Variants in SLAIN2 observed in about 807,000 individuals in gnomAD.
SLAIN2 encodes SLAIN family member 2.
A neutral mutation model predicts 56.6 loss-of-function variants in SLAIN2; 31 were observed. The observed-to-expected ratio is 0.55, with a 90% CI of 0.41 to 0.74. The LOEUF (loss-of-function observed/expected upper bound fraction) is 0.74, where lower values mean the gene tolerates loss of function less well. Ranked by LOEUF, SLAIN2 falls within the 30% of genes least tolerant of loss-of-function variation. The pLI is 0.00. For missense variants in SLAIN2, 777 were observed against 754.2 expected, an observed-to-expected ratio of 1.03 and a Z score of -0.35; for synonymous variants, 317 against 284.9, an observed-to-expected ratio of 1.11 and a Z score of -1.13.
chr4:48,375,495 C>CT (rs202110147), intron 2 of SLAIN2, among the ~76,000 whole-genome samples: 2,863 of 151,698 alleles, frequency 0.019, 88 homozygotes, highest in African/African-American at 0.065. Context: ...TCCTTTTTTT[C>CT]TTTTTTTTCC....
chr4:48,365,692 G>A (rs776303441), intron 1 of SLAIN2, among the ~76,000 whole-genome samples: 1 of 151,942 alleles, frequency 6.6e-6, no homozygotes, highest in African/African-American at 2.4e-5. Context: ...CTCCCGAGTA[G>A]CTGGGATTAC....
chr4:48,373,066 T>G (rs1225782671), intron 2 of SLAIN2, among the ~76,000 whole-genome samples: 1 of 152,158 alleles, frequency 6.6e-6, no homozygotes, highest in African/African-American at 2.4e-5. Context: ...TAACCCTCAT[T>G]TACCCTCCCT....
At chr4:48,351,568 A>T (rs776326849) in intron 1 of SLAIN2, among the ~76,000 whole-genome samples, 18 of 152,140 alleles carry the variant, frequency 1.2e-4, no homozygotes, top group Non-Finnish European at 2.1e-4. Flanking sequence ...CTGAATCTAG[A>T]GGTTTGGAAC....
In SLAIN2 at chr4:48,420,270, G is replaced by A; in HGVS notation, c.1506G>A (p.Gly502=). The A allele has an allele frequency of 6.2e-7, 1 of 1,613,866 alleles. No homozygotes were observed. The highest frequency in any genetic ancestry group is 2.2e-5 in the East Asian group (1 of 44,854). Reference sequence around the variant, plus strand: ...TCACACAAACCACCTCCTCACCTGGGCCTCCTATGGTTCAGAGCACAGTCT... The same window carrying A: ...TCACACAAACCACCTCCTCACCTGGACCTCCTATGGTTCAGAGCACAGTCT... ...TQLTQTTSSP[G]PPMVQSTVSA... The change falls in exon 7 of 8, where the codon GGG becomes GGA. Residue 502 remains glycine (G), a synonymous_variant. Transcript: ENST00000264313.
intron 6 of SLAIN2, among the ~76,000 whole-genome samples, chr4:48,405,395 A>G (rs1452385968): frequency 2.6e-5 from 4 of 151,986 alleles, no homozygotes; most frequent in Non-Finnish European, 5.9e-5. Context: ...CTCTTACTTT[A>G]TCGTTTTCTT....
chr4:48,360,900 A>T (rs1180683974), intron 1 of SLAIN2, among the ~76,000 whole-genome samples: 1 of 152,212 alleles, frequency 6.6e-6, no homozygotes, highest in African/African-American at 2.4e-5. Flanking sequence ...TTTACTTAGC[A>T]TAATGTTTGA....
intron 6 of SLAIN2, among the ~76,000 whole-genome samples, chr4:48,413,072 A>T (rs1373687639): frequency 6.6e-6 from 1 of 152,094 alleles, no homozygotes; most frequent in East Asian, 1.9e-4. Flanking sequence ...TACCAAAAAA[A>T]AACAAATTAT....
intron 1 of SLAIN2, among the ~76,000 whole-genome samples, chr4:48,358,563 G>A (rs865812827): frequency 1.4e-4 from 21 of 152,230 alleles, no homozygotes; most frequent in Middle Eastern, 3.4e-3. Flanking sequence ...TGATCCGCCT[G>A]CCTCAGTCTC....
intron 2 of SLAIN2, 64 bp from the exon 3 acceptor site, chr4:48,377,832 C>A: frequency 6.8e-7 from 1 of 1,474,498 alleles, no homozygotes; most frequent in Non-Finnish European, 9.3e-7. Flanking sequence ...AGGAAAACTT[C>A]AGAAATGAAA....
intron 2 of SLAIN2, among the ~76,000 whole-genome samples, chr4:48,371,447 T>C (rs1392242360): frequency 6.6e-6 from 1 of 152,194 alleles, no homozygotes; most frequent in African/African-American, 2.4e-5. Flanking sequence ...AGCTTATTTG[T>C]TTGAATTATA....
At chr4:48,413,145 T>C (rs909887010) in intron 6 of SLAIN2, among the ~76,000 whole-genome samples, 5 of 152,066 alleles carry the variant, frequency 3.3e-5, no homozygotes, top group African/African-American at 1.2e-4. Context: ...CGAGAGTCGC[T>C]TGAACCTGTG....
chr4:48,392,150 T>G (rs544789884), intron 6 of SLAIN2, among the ~76,000 whole-genome samples: 4 of 152,230 alleles, frequency 2.6e-5, no homozygotes, highest in Non-Finnish European at 4.4e-5. Flanking sequence ...CAGAATAACA[T>G]TGGATTTTTG....
chr4:48,372,268 TATAAG>T (rs559673247), intron 2 of SLAIN2, among the ~76,000 whole-genome samples: 5 of 152,300 alleles, frequency 3.3e-5, no homozygotes, highest in South Asian at 4.1e-4. Flanking sequence ...CTTATATTCT[TATAAG>T]AGGAGTCAGA....
In SLAIN2 at chr4:48,341,788, C is replaced by T. The variant is rs1714707363; in HGVS notation, c.49C>T (p.Leu17=). The stretch of plus-strand genomic sequence containing the variant: ...GAACGCGGACCAGGAGGTGCGGAAG[C>T]TGCAGGAGCTGGTGAAGAAGCTGGA... ...NVNADQEVRK[L]QELVKKLEKQ... The change falls in exon 1 of 8, where the codon CTG becomes TTG. Residue 17 remains leucine (L), a synonymous_variant. Coordinates refer to ENST00000264313, the MANE Select transcript of SLAIN2 (RefSeq NM_020846.2). The T allele has an allele frequency of 2.0e-6, 3 of 1,530,660 alleles. No individual in the cohort carries two copies. The highest frequency in any genetic ancestry group is 1.4e-5 in the African/African-American group (1 of 70,684). 94.8% of individuals were successfully genotyped at this position (1,530,660 alleles called of 1,614,324 possible).
At chr4:48,369,080 A>G (rs1243807901) in intron 1 of SLAIN2, among the ~76,000 whole-genome samples, 3 of 152,344 alleles carry the variant, frequency 2.0e-5, no homozygotes, top group East Asian at 3.9e-4. Context: ...ATTCCATTTA[A>G]AGTGTCTTAT....
intron 1 of SLAIN2, among the ~76,000 whole-genome samples, chr4:48,344,412 C>T (rs187659602): frequency 3.0e-3 from 453 of 152,172 alleles, no homozygotes; most frequent in Non-Finnish European, 4.6e-3. Context: ...AGGAATGTTT[C>T]CTCCCGAGTG....
chr4:48,376,619 C>CT (rs556187877), intron 2 of SLAIN2, among the ~76,000 whole-genome samples: 2,938 of 107,564 alleles, frequency 0.027, 177 homozygotes, highest in Non-Finnish European at 0.038. Context: ...TTCAGGTTGA[C>CT]TTTTTTTTTT....
intron 6 of SLAIN2, among the ~76,000 whole-genome samples, chr4:48,389,958 G>A (rs1716193410): frequency 6.6e-6 from 1 of 152,152 alleles, no homozygotes; most frequent in African/African-American, 2.4e-5. Flanking sequence ...ATTCAGTGAG[G>A]TGAGACTAGA....
chr4:48,355,208 A>G (rs1715126861), intron 1 of SLAIN2, among the ~76,000 whole-genome samples: 1 of 152,104 alleles, frequency 6.6e-6, no homozygotes, highest in African/African-American at 2.4e-5. Flanking sequence ...ATTTCAGGAA[A>G]AAAATGCCAC....
Sources: allele counts gnomAD v4.1 joint callset (sites outside exome capture counted in the v4.1 genomes callset), GRCh38; gene constraint gnomAD v4.1.1; transcripts MANE v1.5; gene names NCBI Gene and HGNC (gene_info 2026-07-23, HGNC 2026-07-21).